Variants in CACNA1H observed in about 807,000 individuals in gnomAD.
The protein encoded by CACNA1H is calcium voltage-gated channel subunit alpha1 H.
CACNA1H carries 149 observed loss-of-function variants against 192.5 expected under a neutral mutation model. That is an observed-to-expected ratio of 0.77 (90% CI 0.68 to 0.89). The LOEUF (loss-of-function observed/expected upper bound fraction) is 0.89, where lower values mean the gene tolerates loss of function less well. Ranked by LOEUF, CACNA1H falls within the 40% of genes least tolerant of loss-of-function variation. CACNA1H has a pLI of 0.00. For missense variants in CACNA1H, 4,257 were observed against 3,423.5 expected, an observed-to-expected ratio of 1.24 and a Z score of -6.08; for synonymous variants, 2,202 against 1,475.2, an observed-to-expected ratio of 1.49 and a Z score of -11.29.
chr16:1,213,740 C>A, intron 26 of CACNA1H, 40 bp from the exon 27 acceptor site: 1 of 1,466,362 alleles, frequency 6.8e-7, no homozygotes, highest in Non-Finnish European at 9.0e-7. Flanking sequence ...GAGCGCCGGG[C>A]GGCCCTCCTG....
intron 2 of CACNA1H, among the ~76,000 whole-genome samples, chr16:1,191,254 C>T (rs868311566): frequency 1.1e-4 from 10 of 94,390 alleles, no homozygotes; most frequent in African/African-American, 4.4e-4. Flanking sequence ...TCTGACCCAG[C>T]AGGCTGGCCT....
At chr16:1,194,896 C>T in intron 2 of CACNA1H, 76 bp from the exon 3 acceptor site, 4 of 1,085,886 alleles carry the variant, frequency 3.7e-6, no homozygotes, top group Non-Finnish European at 4.2e-6. Context: ...CTCCGGCTGA[C>T]CGGGTGGGCA....
At chr16:1,168,547 G>A (rs1362930061) in intron 2 of CACNA1H, among the ~76,000 whole-genome samples, 3 of 152,004 alleles carry the variant, frequency 2.0e-5, no homozygotes, top group African/African-American at 4.8e-5. Context: ...GAGGCAGGGA[G>A]GGCTCCCTGG....
At chr16:1,212,223 G>C in intron 25 of CACNA1H, 85 bp downstream of exon 25, 1 of 1,486,150 alleles carries the variant, frequency 6.7e-7, no homozygotes, top group Non-Finnish European at 8.9e-7. Flanking sequence ...TCCCGCCCCG[G>C]CCTCCCCGAA....
In CACNA1H at chr16:1,218,730, T is replaced by C; in HGVS notation, c.5887+79T>C. 3.9e-6 allele frequency: 5 copies of C among 1,290,286 alleles called. No individual in the cohort carries two copies. In the South Asian group the frequency reaches 5.8e-5, roughly 15 times the overall value. The allele number at this position is 1,290,286 out of a possible 1,614,324, so 79.9% of individuals were successfully genotyped here. On this transcript the variant is annotated intron_variant, in intron 33 of 34. Transcript: ENST00000348261. ...AGATGGGGGCAGGTGGGAGGGAGGA[T>C]GGGGTCAGGCCAGAGCAGGGCAAGA...
In CACNA1H at chr16:1,212,483, C is replaced by T. The variant is rs377358050; in HGVS notation, c.4760-28C>T. ...AGGCCCGAGTGCGCCACGCCCTCGG[C>T]CCTCAGACCATCTCCTTGTCTTTCC... On this transcript the variant is annotated intron_variant, in intron 25 of 34. Coordinates refer to ENST00000348261, the MANE Select transcript of CACNA1H (RefSeq NM_021098.3). 34 of 1,606,750 alleles carry T rather than the reference C, an allele frequency of 2.1e-5. 1 individual carries two copies. The highest frequency in any genetic ancestry group is 1.1e-4 in the East Asian group (5 of 44,592).
At chr16:1,182,777 A>T (rs1166847045) in intron 2 of CACNA1H, among the ~76,000 whole-genome samples, 1 of 152,124 alleles carries the variant, frequency 6.6e-6, no homozygotes, top group Non-Finnish European at 1.5e-5. Flanking sequence ...CGAGGCTGTC[A>T]GTCACTGTGG....
At chr16:1,163,333 C>T (rs1381693912) in intron 2 of CACNA1H, among the ~76,000 whole-genome samples, 1 of 152,180 alleles carries the variant, frequency 6.6e-6, no homozygotes, top group Non-Finnish European at 1.5e-5. Context: ...AGGCCGGCGC[C>T]GGGGTACGGT....
At chr16:1,168,812 C>A (rs2151694034) in intron 2 of CACNA1H, among the ~76,000 whole-genome samples, 1 of 152,216 alleles carries the variant, frequency 6.6e-6, no homozygotes, top group East Asian at 1.9e-4. Flanking sequence ...AGCCTGAGGC[C>A]CGAGGAGGGG....
rs539012457 is a variant in CACNA1H at position 1,179,643 on chromosome 16, G to A, written c.300-15329G>A. Among the ~76,000 whole-genome samples the A allele has an allele frequency of 2.6e-5, 4 of 151,852 alleles. 1 individual carries two copies. In the East Asian group the frequency reaches 5.8e-4, roughly 22 times the overall value. On this transcript the variant is annotated intron_variant, in intron 2 of 34. Transcript: ENST00000348261. Reference sequence around the variant, plus strand: ...GGGATTTTATCATGTTGGCCAGGCTGGTCTTGAACTCCTGACCTCAAGTGA... The same window carrying A: ...GGGATTTTATCATGTTGGCCAGGCTAGTCTTGAACTCCTGACCTCAAGTGA...
In CACNA1H at chr16:1,220,887, G is replaced by A. The variant is rs1371165482; in HGVS notation, c.6955G>A (p.Glu2319Lys). Residue 2319 changes from glutamate to lysine, a missense_variant, in exon 35 of 35, where the codon GAG becomes AAG. By Grantham distance (56) the Glu-to-Lys change is moderately conservative (BLOSUM62 1). Coordinates refer to ENST00000348261, the MANE Select transcript of CACNA1H (RefSeq NM_021098.3). ...EPPMPVGDPP[E>K]KRRGLYLTVP... ...TCCCATGCCCGTCGGTGACCCCCCA[G>A]AGAAGAGGCGGGGGCTGTACCTCAC... is the stretch of plus-strand genomic sequence containing the variant. 1.2e-5 allele frequency: 19 copies of A among 1,612,330 alleles called. No homozygotes were observed. The highest frequency in any genetic ancestry group is 1.5e-5 in the Non-Finnish European group (18 of 1,179,660).
chr16:1,201,624 GCTCA>G (rs1567511534), intron 8 of CACNA1H, 35 bp from the exon 9 acceptor site: 9 of 1,518,962 alleles, frequency 5.9e-6, no homozygotes, highest in Non-Finnish European at 8.0e-6. Flanking sequence ...TCAGAGACTC[GCTCA>G]CTCACTGCCA....
Position 1,167,630 on chromosome 16 carries a change from A to T in CACNA1H, c.299+13594A>T, listed in dbSNP as rs979218722. Among the ~76,000 whole-genome samples, 12 of 152,098 alleles carry T rather than the reference A, an allele frequency of 7.9e-5. No individual in the cohort carries two copies. Among genetic ancestry groups the T allele is most frequent in the Admixed American group, 7.2e-4 (11 of 15,274 alleles). ...GTGGCAACGCCTGTCACTAATCCCCAGCTGCTCCTGGTTGACCGGCCCGGC... is the reference window on the plus strand; with the variant it reads ...GTGGCAACGCCTGTCACTAATCCCCTGCTGCTCCTGGTTGACCGGCCCGGC... On this transcript the variant is annotated intron_variant, in intron 2 of 34. Coordinates refer to ENST00000348261, the MANE Select transcript of CACNA1H (RefSeq NM_021098.3). The surrounding 1 kb of genome is among the most constrained non-coding windows in gnomAD (Gnocchi z 4.2).
chr16:1,154,078 G>T, intron 2 of CACNA1H, 42 bp downstream of exon 2: 1 of 788,450 alleles, frequency 1.3e-6, no homozygotes, highest in Non-Finnish European at 1.7e-6. Context: ...CGGGGGGCGT[G>T]GGGAGGGTGG....
chr16:1,219,902 G>A lies in CACNA1H; in HGVS notation c.6049-79G>A, dbSNP rs1399393990. 2.1e-5 allele frequency: 24 copies of A among 1,140,424 alleles called. 1 individual carries two copies. The highest frequency in any genetic ancestry group is 2.7e-5 in the Non-Finnish European group (24 of 886,178). The allele number at this position is 1,140,424 out of a possible 1,614,324, so 70.6% of individuals were successfully genotyped here. A position where few individuals can be genotyped will look rare whatever the true frequency, so the allele number is the denominator to read the frequency against. The stretch of plus-strand genomic sequence containing the variant: ...GTTTGGCCTCTCCAGTACCTGGATG[G>A]TGAGGGGTCTCCGAGCCCTGGCCAC... On this transcript the variant is annotated intron_variant, in intron 34 of 34. Transcript: ENST00000348261.
At chr16:1,161,608 G>A (rs758119786) in intron 2 of CACNA1H, among the ~76,000 whole-genome samples, 18 of 152,234 alleles carry the variant, frequency 1.2e-4, no homozygotes, top group Admixed American at 2.0e-4. Context: ...GTGCCTCCAC[G>A]TGGGCCTCAG....
At chr16:1,216,230 C>T (rs546450749) in intron 30 of CACNA1H, among the ~76,000 whole-genome samples, 2 of 152,354 alleles carry the variant, frequency 1.3e-5, no homozygotes, top group Admixed American at 1.3e-4. Context: ...TGCCCCCTGC[C>T]TGTCTTCTGC....
chr16:1,210,350 A>ACCCCCC lies in CACNA1H; in HGVS notation c.3846-17_3846-16insCCCCCC. The ACCCCCC allele has an allele frequency of 4.1e-5, 13 of 313,920 alleles. No homozygotes were observed. Among genetic ancestry groups the ACCCCCC allele is most frequent in the Admixed American group, 3.3e-4 (4 of 12,268 alleles). 19.4% of individuals were successfully genotyped at this position (313,920 alleles called of 1,614,324 possible). A position where few individuals can be genotyped will look rare whatever the true frequency, so the allele number is the denominator to read the frequency against. On this transcript the variant is annotated intron_variant, in intron 18 of 34. Transcript: ENST00000348261. Reference sequence around the variant, plus strand: ...TCCACGCCGCCCCGCCCCACCTCTCACCCGCCCCCGCCCACCCAGGTTCCG... The same window carrying ACCCCCC: ...TCCACGCCGCCCCGCCCCACCTCTCACCCCCCCCCGCCCCCGCCCACCCAGGTTCCG...
Position 1,215,582 on chromosome 16 carries a change from G to T in CACNA1H, c.5233G>T (p.Ala1745Ser). ...CGCCCTGCTGGACACTGTGGTGCAA[G>T]CTCTCCCCCAGGTAGGTGGAGCCCG... Reference protein sequence around the residue: ...MRALLDTVVQALPQVGNLGLL... With the variant: ...MRALLDTVVQSLPQVGNLGLL... Residue 1745 changes from alanine (A) to serine (S), a missense_variant, in exon 30 of 35, where the codon GCT becomes TCT. Physicochemically the swap from Ala to Ser is moderately conservative, Grantham distance 99. Transcript: ENST00000348261. 1 of 1,611,476 alleles carries T rather than the reference G, an allele frequency of 6.2e-7. No individual in the cohort carries two copies. The highest frequency in any genetic ancestry group is 8.5e-7 in the Non-Finnish European group (1 of 1,179,460).
Sources: allele counts gnomAD v4.1 joint callset (sites outside exome capture counted in the v4.1 genomes callset), GRCh38; gene constraint gnomAD v4.1.1; non-coding constraint Gnocchi (gnomAD v3.1); transcripts MANE v1.5; gene names NCBI Gene and HGNC (gene_info 2026-07-23, HGNC 2026-07-21).